Variants in SLAIN1 observed in about 807,000 individuals in gnomAD.
SLAIN1 encodes the protein SLAIN family member 1, also known as SLAIN motif-containing protein 1.
A neutral mutation model predicts 55.4 loss-of-function variants in SLAIN1; 17 were observed. The ratio of observed to expected loss-of-function variants is 0.31; its 90% CI spans 0.21 to 0.46. SLAIN1 has a LOEUF of 0.46. SLAIN1 is among the 20% of genes least tolerant of loss of function. SLAIN1 has a pLI of 1.00. For synonymous variants in SLAIN1, 348 were observed against 337.4 expected, an observed-to-expected ratio of 1.03 and a Z score of -0.35; for missense variants, 682 against 785.1, an observed-to-expected ratio of 0.87 and a Z score of 1.57.
intron 5 of SLAIN1, among the ~76,000 whole-genome samples, chr13:77,755,832 G>C (rs1245999373): frequency 6.6e-6 from 1 of 151,998 alleles, no homozygotes; most frequent in Non-Finnish European, 1.5e-5. Flanking sequence ...GGAGAAGGAG[G>C]ACTCTCATAA....
intron 5 of SLAIN1, among the ~76,000 whole-genome samples, chr13:77,758,640 A>T (rs1041532431): frequency 2.0e-5 from 3 of 152,214 alleles, no homozygotes; most frequent in East Asian, 1.9e-4. Flanking sequence ...ATTCTTCTAC[A>T]TGTGGCTTGC....
chr13:77,743,687 T>C lies in SLAIN1; in HGVS notation c.767-596T>C, dbSNP rs548556606. ...TTATCTGAAGCCATTGATTTTTTTA[T>C]CCTCATGGGTGGCTATAAGTCTCCC... On this transcript the variant is annotated intron_variant, in intron 2 of 6. Coordinates refer to ENST00000418532, the MANE Select transcript of SLAIN1 (RefSeq NM_001242868.2). Among the ~76,000 whole-genome samples, 22 of 152,094 alleles carry C rather than the reference T, an allele frequency of 1.4e-4. No individual in the cohort carries two copies. In the South Asian group the frequency reaches 3.5e-3, roughly 24 times the overall value.
chr13:77,712,932 C>G (rs2091167615), intron 1 of SLAIN1, among the ~76,000 whole-genome samples: 2 of 152,170 alleles, frequency 1.3e-5, no homozygotes, highest in Non-Finnish European at 2.9e-5. Flanking sequence ...TGATCTTTGA[C>G]AAACCTGACC....
In SLAIN1 at chr13:77,707,116, TTTTC is replaced by T. The variant is rs1270241637; in HGVS notation, c.626+8589_626+8592del. 1.3e-4 allele frequency among the ~76,000 whole-genome samples: 20 copies of T among 152,132 alleles called. No homozygotes were observed. The South Asian group carries it at 1.9e-3, about 14-fold the overall frequency. On this transcript the variant is annotated intron_variant, in intron 1 of 6. Transcript: ENST00000418532. ...TCAAAATAACTTTCCAGTTTCTTTC[TTTTC>T]TTTCTTTCTTTTTTTTAAGAACTTG...
chr13:77,744,931 C>T (rs1873711295), intron 3 of SLAIN1, among the ~76,000 whole-genome samples: 1 of 152,056 alleles, frequency 6.6e-6, no homozygotes, highest in African/African-American at 2.4e-5. Context: ...ATATACACAA[C>T]ATCTTGCTTG....
intron 5 of SLAIN1, among the ~76,000 whole-genome samples, chr13:77,756,163 T>C (rs755615049): frequency 6.6e-6 from 1 of 152,152 alleles, no homozygotes; most frequent in South Asian, 2.1e-4. Flanking sequence ...GTTTCTCTTA[T>C]GTGTTTTTTT....
At chr13:77,747,646 C>G (rs1185277704) in intron 4 of SLAIN1, among the ~76,000 whole-genome samples, 3 of 152,130 alleles carry the variant, frequency 2.0e-5, no homozygotes, top group Non-Finnish European at 4.4e-5. Flanking sequence ...ACAGCCAGAT[C>G]TAGGCAAGTT....
At chr13:77,761,240 C>T in intron 6 of SLAIN1, 130 bp downstream of exon 6, 1 of 870,322 alleles carries the variant, frequency 1.1e-6, no homozygotes, top group South Asian at 1.7e-5. Flanking sequence ...GACTTGTGCT[C>T]TCCTCCCTTT....
At chr13:77,745,179 C>T (rs759735460) in intron 3 of SLAIN1, among the ~76,000 whole-genome samples, 12 of 151,824 alleles carry the variant, frequency 7.9e-5, no homozygotes, top group African/African-American at 2.4e-4. Flanking sequence ...GATCTTTGAA[C>T]CTGTAGGTAA....
At chr13:77,706,437 A>C (rs2091091035) in intron 1 of SLAIN1, among the ~76,000 whole-genome samples, 1 of 152,042 alleles carries the variant, frequency 6.6e-6, no homozygotes, top group South Asian at 2.1e-4. Flanking sequence ...TATTTCCCCA[A>C]ACACGCTAAA....
intron 5 of SLAIN1, among the ~76,000 whole-genome samples, chr13:77,755,943 T>C (rs1288421661): frequency 6.6e-6 from 1 of 152,174 alleles, no homozygotes; most frequent in African/African-American, 2.4e-5. Context: ...CATGACAATT[T>C]CTGGTTCTGG....
chr13:77,754,449 A>G (rs1874457837), intron 5 of SLAIN1, among the ~76,000 whole-genome samples: 1 of 152,184 alleles, frequency 6.6e-6, no homozygotes, highest in African/African-American at 2.4e-5. Flanking sequence ...TGATAGGTTA[A>G]GGAACAGTTT....
At chr13:77,747,999 T>G (rs929652092) in intron 4 of SLAIN1, among the ~76,000 whole-genome samples, 5 of 152,118 alleles carry the variant, frequency 3.3e-5, no homozygotes, top group African/African-American at 1.2e-4. Context: ...AAATTTATAA[T>G]TATACAATTA....
intron 1 of SLAIN1, among the ~76,000 whole-genome samples, chr13:77,703,830 A>G (rs1027227645): frequency 6.6e-6 from 1 of 150,516 alleles, no homozygotes; most frequent in African/African-American, 2.4e-5. Flanking sequence ...GGCTCTTAAA[A>G]TTATTTGTCT....
intron 2 of SLAIN1, among the ~76,000 whole-genome samples, chr13:77,725,995 T>C (rs2091303995): frequency 6.6e-6 from 1 of 152,206 alleles, no homozygotes; most frequent in Non-Finnish European, 1.5e-5. Flanking sequence ...CTGCCTACAT[T>C]TGTGATTTCA....
intron 6 of SLAIN1, 50 bp from the exon 7 acceptor site, chr13:77,763,095 T>C (rs755142786): frequency 1.3e-6 from 2 of 1,485,100 alleles, no homozygotes; most frequent in South Asian, 2.3e-5. Flanking sequence ...GTGATGTGAC[T>C]CATAGGATTA....
intron 3 of SLAIN1, 61 bp downstream of exon 3, chr13:77,744,493 G>T: frequency 1.2e-6 from 2 of 1,600,060 alleles, no homozygotes; most frequent in Non-Finnish European, 1.7e-6. Context: ...AGGCAGAGGG[G>T]GAGGTTCAGG....
chr13:77,739,936 A>T (rs558700160), intron 2 of SLAIN1, among the ~76,000 whole-genome samples: 1 of 152,226 alleles, frequency 6.6e-6, no homozygotes, highest in East Asian at 1.9e-4. Context: ...ACCGTTAGTC[A>T]CCCTCAACTT....
Position 77,698,629 on chromosome 13 carries a change from C to T in SLAIN1, c.626+90C>T, listed in dbSNP as rs1594243152. 1 of 1,316,944 alleles carries T rather than the reference C, an allele frequency of 7.6e-7. No individual in the cohort carries two copies. Among genetic ancestry groups the T allele is most frequent in the African/African-American group, 1.5e-5 (1 of 65,186 alleles). The allele number at this position is 1,316,944 out of a possible 1,614,324, so 81.6% of individuals were successfully genotyped here. On this transcript the variant is annotated intron_variant, in intron 1 of 6. Coordinates refer to ENST00000418532, the MANE Select transcript of SLAIN1 (RefSeq NM_001242868.2). The surrounding 1 kb of genome is among the most constrained non-coding windows in gnomAD (Gnocchi z 4.1). ...GGGGCGGGGGGCGGACGGGGGTCCC[C>T]TCGCGGCAGCCGGGGTGACTCCCCG...
Sources: gnomAD v4.1 joint callset for allele counts (sites outside exome capture counted in the v4.1 genomes callset) on GRCh38, gnomAD v4.1.1 for gene constraint, Gnocchi (gnomAD v3.1) non-coding constraint, MANE v1.5 for transcripts, NCBI Gene and HGNC (gene_info 2026-07-23, HGNC 2026-07-21) for gene names.